Variants in TNRC6A observed in about 807,000 individuals in gnomAD.
TNRC6A encodes the protein trinucleotide repeat containing adaptor 6A.
TNRC6A carries 44 observed loss-of-function variants against 221.2 expected under a neutral mutation model. That is an observed-to-expected ratio of 0.20 (90% CI 0.16 to 0.26). TNRC6A has a LOEUF of 0.26. Among genes scored for constraint, TNRC6A ranks in the 10% least tolerant of loss-of-function variants. The pLI is 1.00. For missense variants in TNRC6A, 2,199 were observed against 2,404.4 expected (o/e 0.91, Z 1.79); for synonymous variants, 847 against 838.5 (o/e 1.01, Z -0.18).
intron 21 of TNRC6A, chr16:24,819,694 C>T (rs1208905101): frequency 9.5e-6 from 2 of 210,834 alleles, no homozygotes; most frequent in Non-Finnish European, 1.9e-5. Context: ...GAGGCAGGCA[C>T]CCCGTGAAGA....
At chr16:24,689,835 C>T (rs964117829) in intron 2 of TNRC6A, among the ~76,000 whole-genome samples, 5 of 151,766 alleles carry the variant, frequency 3.3e-5, no homozygotes, top group Non-Finnish European at 7.4e-5. Context: ...ACTGAAGCCT[C>T]GAACCCCTGG....
intron 2 of TNRC6A, among the ~76,000 whole-genome samples, chr16:24,742,662 C>G (rs2056916894): frequency 6.6e-6 from 1 of 152,222 alleles, no homozygotes; most frequent in Admixed American, 6.5e-5. Context: ...TGGCTCACGC[C>G]TGTAATCCCA....
intron 2 of TNRC6A, 30 bp downstream of exon 2, chr16:24,730,330 C>T: frequency 6.2e-7 from 1 of 1,600,738 alleles, no homozygotes; most frequent in South Asian, 1.1e-5. Context: ...CGTCTCCCGC[C>T]CCACGATAAT....
chr16:24,763,224 A>G (rs1426860178), intron 4 of TNRC6A, among the ~76,000 whole-genome samples: 1 of 151,434 alleles, frequency 6.6e-6, no homozygotes, highest in East Asian at 1.9e-4. Context: ...AATTACGTTC[A>G]AAGTGTTTTT....
rs373670323 is a variant in TNRC6A, at chr16:24,715,025, T to C, written n.403-35701T>C. Among the ~76,000 whole-genome samples, 1,233 of 151,750 alleles carry C rather than the reference T, an allele frequency of 8.1e-3. 11 individuals carry two copies. The highest frequency in any genetic ancestry group is 0.041 in the Middle Eastern group (12 of 294). On this transcript the variant is annotated intron_variant and non_coding_transcript_variant, in intron 2 of 2. Coordinates refer to the TNRC6A transcript ENST00000566108. ...CCGAGTAGCTGTGACTACAGGCACC[T>C]GCCACCACACCCGGCTAAGTTTTTG...
chr16:24,631,633 G>A (rs1053285545), intron 1 of TNRC6A, among the ~76,000 whole-genome samples: 3 of 151,998 alleles, frequency 2.0e-5, no homozygotes, highest in Admixed American at 6.6e-5. Flanking sequence ...TTAGCCTGGC[G>A]TGGTGGCGCA....
chr16:24,797,700 C>A (rs537503954), intron 10 of TNRC6A, 130 bp downstream of exon 10: 4 of 914,536 alleles, frequency 4.4e-6, no homozygotes, highest in Non-Finnish European at 4.8e-6. Context: ...AGAGTAAAAT[C>A]GGCCTCCAAA....
intron 2 of TNRC6A, among the ~76,000 whole-genome samples, chr16:24,685,135 G>C (rs1488107056): frequency 1.3e-5 from 2 of 152,136 alleles, no homozygotes; most frequent in Non-Finnish European, 2.9e-5. Flanking sequence ...TCCACAGGCT[G>C]TGTGATCCTA....
chr16:24,732,723 G>A (rs1239955042), intron 2 of TNRC6A, among the ~76,000 whole-genome samples: 1 of 152,082 alleles, frequency 6.6e-6, no homozygotes. Flanking sequence ...ATTATTTTGA[G>A]GGTTGTTCTG....
chr16:24,758,490 T>C, intron 4 of TNRC6A, 130 bp downstream of exon 4: 1 of 910,444 alleles, frequency 1.1e-6, no homozygotes, highest in Non-Finnish European at 1.7e-6. Flanking sequence ...CCTTCTTCAG[T>C]AACATACCCT....
intron 2 of TNRC6A, among the ~76,000 whole-genome samples, chr16:24,717,138 G>A (rs1251345524): frequency 1.3e-5 from 2 of 152,052 alleles, no homozygotes; most frequent in Non-Finnish European, 2.9e-5. Flanking sequence ...GAGCTGGAGT[G>A]CAGTGGTGCA....
chr16:24,685,551 C>T (rs1375591719), intron 2 of TNRC6A, among the ~76,000 whole-genome samples: 1 of 152,174 alleles, frequency 6.6e-6, no homozygotes, highest in Non-Finnish European at 1.5e-5. Context: ...ATTGCCCAAG[C>T]TGGTCTCAAA....
chr16:24,718,746 A>G (rs1440075429), intron 2 of TNRC6A, among the ~76,000 whole-genome samples: 4 of 151,972 alleles, frequency 2.6e-5, no homozygotes, highest in South Asian at 2.1e-4. Context: ...GGATTGAGAG[A>G]GATAAGCAGG....
In TNRC6A at chr16:24,729,795, C is replaced by G. The variant is rs1477631330; in HGVS notation, c.-47C>G. 4 of 1,404,790 alleles carry G rather than the reference C, an allele frequency of 2.8e-6. No individual in the cohort carries two copies. The highest frequency in any genetic ancestry group is 3.7e-6 in the Non-Finnish European group (4 of 1,072,854). The allele number at this position is 1,404,790 out of a possible 1,614,324, so 87.0% of individuals were successfully genotyped here. A position where few individuals can be genotyped will look rare whatever the true frequency, so the allele number is the denominator to read the frequency against. On this transcript the variant is annotated 5_prime_UTR_variant, in exon 1 of 25. Transcript: ENST00000395799. ...GCGGCGCTGCGGAGGGCTTGAGGCT[C>G]GCGAGCCTCCTTCGCCGCGCCCCAC...
intron 2 of TNRC6A, among the ~76,000 whole-genome samples, chr16:24,706,588 C>T (rs1462408076): frequency 6.7e-6 from 1 of 149,850 alleles, no homozygotes. Flanking sequence ...TAGTGGCGGG[C>T]GCCTGAAGCA....
rs560037937 is a variant in TNRC6A, at chr16:24,771,830, G to A, written c.164-5103G>A. Among the ~76,000 whole-genome samples the A allele has an allele frequency of 7.9e-5, 12 of 152,240 alleles. No individual in the cohort carries two copies. In the East Asian group the frequency reaches 2.3e-3, roughly 29 times the overall value. ...ATACTATAGGACCTTCTATTCCTCT[G>A]TGAGCCTATTTTGGTAAATTATATT... On this transcript the variant is annotated intron_variant, in intron 4 of 24. Coordinates refer to ENST00000395799, the MANE Select transcript of TNRC6A (RefSeq NM_014494.4).
At chr16:24,747,058 T>G (rs1337802740) in intron 2 of TNRC6A, among the ~76,000 whole-genome samples, 2 of 107,910 alleles carry the variant, frequency 1.9e-5, no homozygotes, top group East Asian at 3.3e-4. Context: ...AATTTGAAGC[T>G]TAGCTTGATT....
In TNRC6A at chr16:24,729,701, G is replaced by GGCGGCGGCGGCA; in HGVS notation, c.-130_-129insAGCGGCGGCGGC. On this transcript the variant is annotated 5_prime_UTR_variant, in exon 1 of 25. Transcript: ENST00000395799. The stretch of plus-strand genomic sequence containing the variant: ...CGGCGGTGTCGGCGGCGGCGGCGGC[G>GGCGGCGGCGGCA]GCGGCGGCGGCGGCGGCAGCGGGTC... 1 of 1,017,220 alleles carries GGCGGCGGCGGCA rather than the reference G, an allele frequency of 9.8e-7. No homozygotes were observed. The highest frequency in any genetic ancestry group is 3.5e-4 in the Middle Eastern group (1 of 2,866). 63.0% of individuals were successfully genotyped at this position (1,017,220 alleles called of 1,614,324 possible). A position where few individuals can be genotyped will look rare whatever the true frequency, so the allele number is the denominator to read the frequency against.
intron 2 of TNRC6A, among the ~76,000 whole-genome samples, chr16:24,669,785 A>G (rs1017524262): frequency 6.6e-6 from 1 of 151,768 alleles, no homozygotes; most frequent in Admixed American, 6.6e-5. Flanking sequence ...TAGTAGTAAG[A>G]GTAGTAATAG....
Sources: allele counts gnomAD v4.1 joint callset (sites outside exome capture counted in the v4.1 genomes callset), GRCh38; gene constraint gnomAD v4.1.1; transcripts MANE v1.5; gene names NCBI Gene and HGNC (gene_info 2026-07-23, HGNC 2026-07-21).